The following PCDH15 variants were observed in gnomAD, a reference collection of about 807,000 sequenced individuals.
The protein encoded by PCDH15 is protocadherin related 15, also known as protocadherin-15.
In PCDH15, 129 loss-of-function variants were observed where a neutral mutation model predicts 178.5. That is an observed-to-expected ratio of 0.72 (90% CI 0.63 to 0.84). The LOEUF (loss-of-function observed/expected upper bound fraction) is 0.84. Among genes scored for constraint, PCDH15 ranks in the 40% least tolerant of loss-of-function variants. PCDH15 has a pLI of 0.00. For missense variants in PCDH15, 2,230 were observed against 2,099.9 expected, an observed-to-expected ratio of 1.06 and a Z score of -1.21; for synonymous variants, 800 against 732.0, an observed-to-expected ratio of 1.09 and a Z score of -1.50.
chr10:54,927,380 A>G (rs1012347089), intron 2 of PCDH15, among the ~76,000 whole-genome samples: 1 of 152,018 alleles, frequency 6.6e-6, no homozygotes, highest in Non-Finnish European at 1.5e-5. Flanking sequence ...ATAGTGTGTG[A>G]CATGTTTTAA....
chr10:55,599,299 A>G (rs1564474359), intron 2 of PCDH15: 1 of 152,194 alleles, frequency 6.6e-6, no homozygotes, highest in East Asian at 1.9e-4. Flanking sequence ...CTGATTGTCC[A>G]AGGTAGAATT....
chr10:54,274,282 CTTAAAAG>C (rs1189811132), intron 8 of PCDH15, among the ~76,000 whole-genome samples: 18 of 152,030 alleles, frequency 1.2e-4, no homozygotes, highest in Admixed American at 5.9e-4. Flanking sequence ...TACCCCTAAA[CTTAAAAG>C]TTAAAAATGA....
chr10:54,022,463 CATAT>C (rs34403094), intron 19 of PCDH15, among the ~76,000 whole-genome samples: 1 of 151,118 alleles, frequency 6.6e-6, no homozygotes, highest in Non-Finnish European at 1.5e-5. Context: ...CACACAAATT[CATAT>C]ATATATATGT....
chr10:54,989,661 T>C (rs1378476141), intron 2 of PCDH15, among the ~76,000 whole-genome samples: 1 of 152,164 alleles, frequency 6.6e-6, no homozygotes, highest in Non-Finnish European at 1.5e-5. Context: ...CCCATTGAAA[T>C]GGGTAATTTA....
At chr10:55,100,527 C>A (rs1419109868) in intron 2 of PCDH15, among the ~76,000 whole-genome samples, 2 of 152,100 alleles carry the variant, frequency 1.3e-5, no homozygotes, top group Non-Finnish European at 2.9e-5. Flanking sequence ...ATGGCACCAG[C>A]ATCTGCATAT....
At chr10:54,857,878 A>G (rs1300966207) in intron 3 of PCDH15, among the ~76,000 whole-genome samples, 2 of 152,194 alleles carry the variant, frequency 1.3e-5, no homozygotes, top group Non-Finnish European at 2.9e-5. Context: ...GTTACAATAC[A>G]ATGTTTTGAT....
At chr10:54,806,988 T>C (rs753235504) in intron 3 of PCDH15, among the ~76,000 whole-genome samples, 3 of 152,186 alleles carry the variant, frequency 2.0e-5, no homozygotes, top group Non-Finnish European at 2.9e-5. Flanking sequence ...AGGACTGATA[T>C]CCTATCACCT....
intron 1 of PCDH15, among the ~76,000 whole-genome samples, chr10:55,167,249 A>G (rs1857448): frequency 0.99 from 151,055 of 152,182 alleles, 74,979 homozygotes; most frequent in East Asian, 1. Flanking sequence ...GAGTAGCTGG[A>G]ACTACAGATA....
chr10:54,414,966 T>TA (rs1322495453), intron 3 of PCDH15, among the ~76,000 whole-genome samples: 1 of 152,060 alleles, frequency 6.6e-6, no homozygotes, highest in Non-Finnish European at 1.5e-5. Flanking sequence ...GAAAAAAAAT[T>TA]GGTAAGTATT....
chr10:53,816,913 T>G (rs1004323125), intron 34 of PCDH15, among the ~76,000 whole-genome samples: 9 of 152,354 alleles, frequency 5.9e-5, no homozygotes, highest in Non-Finnish European at 1.2e-4. Context: ...TTGTATTTAT[T>G]TAAAGCTAAT....
At chr10:54,662,516 G>C (rs1208726790) in intron 2 of PCDH15, among the ~76,000 whole-genome samples, 1 of 151,926 alleles carries the variant, frequency 6.6e-6, no homozygotes, top group Non-Finnish European at 1.5e-5. Flanking sequence ...TCAGAAAGTT[G>C]ACTATGCAAT....
intron 2 of PCDH15, among the ~76,000 whole-genome samples, chr10:55,046,306 A>C (rs1249929117): frequency 6.6e-6 from 1 of 152,026 alleles, no homozygotes; most frequent in Non-Finnish European, 1.5e-5. Flanking sequence ...ATGAAAAACG[A>C]AAGAAATCTC....
intron 2 of PCDH15, among the ~76,000 whole-genome samples, chr10:54,530,049 G>A (rs1242517064): frequency 6.6e-6 from 1 of 151,936 alleles, no homozygotes; most frequent in Admixed American, 6.6e-5. Context: ...GCAGAATATA[G>A]AATAATAAAA....
chr10:54,210,624 G>T (rs7923915), intron 10 of PCDH15, among the ~76,000 whole-genome samples: 19,554 of 151,888 alleles, frequency 0.13, 2,369 homozygotes, highest in African/African-American at 0.32. Flanking sequence ...CAAGAAGAGG[G>T]AGGAATGATT....
upstream of PCDH15, among the ~76,000 whole-genome samples, chr10:54,803,505 A>AG (rs1952725806): frequency 6.6e-6 from 1 of 152,096 alleles, no homozygotes; most frequent in Non-Finnish European, 1.5e-5. Flanking sequence ...GCTCTGGCTT[A>AG]GGGGTGGGTC....
intron 3 of PCDH15, among the ~76,000 whole-genome samples, chr10:54,846,333 T>C (rs1953511307): frequency 6.6e-6 from 1 of 152,188 alleles, no homozygotes; most frequent in Non-Finnish European, 1.5e-5. Context: ...TAAACACCCA[T>C]GTGTGTGGCC....
At chr10:54,980,396 CTTATTT>C (rs1367572215) in intron 2 of PCDH15, among the ~76,000 whole-genome samples, 2 of 151,916 alleles carry the variant, frequency 1.3e-5, no homozygotes, top group African/African-American at 4.8e-5. Context: ...CAAAACATTT[CTTATTT>C]TATTATATTT....
intron 3 of PCDH15, among the ~76,000 whole-genome samples, chr10:54,447,621 G>A (rs1219858): frequency 0.6 from 90,306 of 151,336 alleles, 27,500 homozygotes; most frequent in African/African-American, 0.69. Flanking sequence ...GGTAATCAAA[G>A]CTTACTGGAC....
At chr10:55,612,202 AAT>A (rs1175027994) in intron 2 of PCDH15, among the ~76,000 whole-genome samples, 1 of 152,066 alleles carries the variant, frequency 6.6e-6, no homozygotes, top group African/African-American at 2.4e-5. Context: ...AGTAATGATA[AAT>A]ATGTGAGTTG....
Sources: gnomAD v4.1 joint callset for allele counts (sites outside exome capture counted in the v4.1 genomes callset) on GRCh38, gnomAD v4.1.1 for gene constraint, MANE v1.5 for transcripts, NCBI Gene and HGNC (gene_info 2026-07-23, HGNC 2026-07-21) for gene names.